FAF1: variants seen among roughly 807,000 people sequenced by gnomAD.
FAF1 encodes FAS-associated factor 1.
In FAF1, 25 loss-of-function variants were observed where a neutral mutation model predicts 92.5. The ratio of observed to expected loss-of-function variants is 0.27; its 90% CI spans 0.20 to 0.38. The LOEUF (loss-of-function observed/expected upper bound fraction) is 0.38, where lower values mean the gene tolerates loss of function less well. Among genes scored for constraint, FAF1 ranks in the 10% least tolerant of loss-of-function variants. The probability of loss-of-function intolerance (pLI) is 1.00; values close to 1 mark genes in which losing one functional copy is unlikely to be tolerated. For synonymous variants in FAF1, 234 were observed against 273.2 expected, an observed-to-expected ratio of 0.86 and a Z score of 1.42; for missense variants, 636 against 793.3, an observed-to-expected ratio of 0.80 and a Z score of 2.38.
intron 1 of FAF1, among the ~76,000 whole-genome samples, chr1:50,872,064 CAAAAA>C (rs200142842): frequency 3.1e-5 from 2 of 65,544 alleles, no homozygotes. Flanking sequence ...GACTCCATCT[CAAAAA>C]AAAAAAAAAA....
chr1:50,807,141 G>A (rs532012542), intron 2 of FAF1, among the ~76,000 whole-genome samples: 1 of 152,232 alleles, frequency 6.6e-6, no homozygotes, highest in Non-Finnish European at 1.5e-5. Context: ...AGGATTCTAA[G>A]GAATACAATA....
intron 9 of FAF1, among the ~76,000 whole-genome samples, chr1:50,594,625 C>T (rs1238381115): frequency 5.3e-4 from 7 of 13,272 alleles, no homozygotes; most frequent in African/African-American, 1.8e-3. Context: ...TTTGGGAGGC[C>T]GGGGGGGGTG....
chr1:50,598,539 G>A (rs989902598), intron 8 of FAF1, among the ~76,000 whole-genome samples: 1 of 150,922 alleles, frequency 6.6e-6, no homozygotes, highest in African/African-American at 2.4e-5. Flanking sequence ...CAGGCTTTCT[G>A]TGAGGATGGC....
intron 9 of FAF1, 86 bp from the exon 10 acceptor site, chr1:50,584,897 T>C (rs2124024970): frequency 8.2e-7 from 1 of 1,215,714 alleles, no homozygotes; most frequent in Non-Finnish European, 1.1e-6. Context: ...CAACAGGACA[T>C]AAGCGTTATA....
intron 8 of FAF1, among the ~76,000 whole-genome samples, chr1:50,649,793 A>G (rs1654771532): frequency 6.6e-6 from 1 of 151,114 alleles, no homozygotes; most frequent in South Asian, 2.1e-4. Flanking sequence ...TACAAAAAAA[A>G]AAAAAAAAGA....
At chr1:50,614,344 G>A (rs1362035510) in intron 8 of FAF1, among the ~76,000 whole-genome samples, 5 of 151,934 alleles carry the variant, frequency 3.3e-5, no homozygotes, top group African/African-American at 7.3e-5. Flanking sequence ...TACTAAGTCC[G>A]ATTATTCAAA....
chr1:50,647,252 A>G (rs931355831), intron 8 of FAF1, among the ~76,000 whole-genome samples: 2 of 152,238 alleles, frequency 1.3e-5, no homozygotes, highest in Admixed American at 1.3e-4. Flanking sequence ...TGCCTATAAT[A>G]ATAGTTAAGT....
At position 50,903,923 on chromosome 1, in the gene FAF1, G is replaced by A. The variant is rs140296266; in HGVS notation, c.46-45926C>T. On this transcript the variant is annotated intron_variant, in intron 1 of 18. Transcript: ENST00000396153. ...ACTGGAACCTCACAAAACAAGCTAC[G>A]TACATGAAAACTGTATAAAACTTCT... 4.4e-3 allele frequency among the ~76,000 whole-genome samples: 675 copies of A among 152,192 alleles called. 8 individuals carry two copies. The highest frequency in any genetic ancestry group is 0.015 in the African/African-American group (607 of 41,516).
chr1:50,889,406 G>T (rs1446386963), intron 1 of FAF1, among the ~76,000 whole-genome samples: 21 of 149,042 alleles, frequency 1.4e-4, no homozygotes, highest in East Asian at 3.9e-4. Flanking sequence ...CCTTCTGCTA[G>T]CTTTTGAATG....
intron 18 of FAF1, among the ~76,000 whole-genome samples, chr1:50,457,544 T>C (rs1437697358): frequency 6.6e-6 from 1 of 152,094 alleles, no homozygotes; most frequent in Non-Finnish European, 1.5e-5. Context: ...ATTTTTAATT[T>C]ATGGCTGGAT....
intron 8 of FAF1, among the ~76,000 whole-genome samples, chr1:50,630,827 TC>T (rs1462168126): frequency 3.4e-5 from 4 of 118,696 alleles, no homozygotes; most frequent in African/African-American, 1.1e-4. Flanking sequence ...GTGTATCATA[TC>T]TTTTTTTTTT....
intron 14 of FAF1, among the ~76,000 whole-genome samples, chr1:50,536,127 C>A (rs558497827): frequency 4.5e-4 from 69 of 152,068 alleles, no homozygotes; most frequent in Admixed American, 1.2e-3. Flanking sequence ...TCTTTTTTTG[C>A]CCAATTGATA....
At position 50,738,548 on chromosome 1, in the gene FAF1, T is replaced by C. The variant is rs184217751; in HGVS notation, c.551+315A>G. On this transcript the variant is annotated intron_variant, in intron 6 of 18. Coordinates refer to ENST00000396153, the MANE Select transcript of FAF1 (RefSeq NM_007051.3). The stretch of plus-strand genomic sequence containing the variant: ...ATGCTTTCTTTAGCAATGAGAGAGA[T>C]TGGAACTCCATTTATACTTTCTCTT... Among the ~76,000 whole-genome samples the C allele has an allele frequency of 2.0e-4, 30 of 152,254 alleles. No homozygotes were observed. In the East Asian group the frequency reaches 4.0e-3, roughly 21 times the overall value.
intron 2 of FAF1, among the ~76,000 whole-genome samples, chr1:50,811,848 T>A (rs1322390148): frequency 6.6e-6 from 1 of 152,110 alleles, no homozygotes; most frequent in African/African-American, 2.4e-5. Context: ...CATTACAGCA[T>A]GGTACTGATA....
At chr1:50,938,935 T>C (rs1194034881) in intron 1 of FAF1, among the ~76,000 whole-genome samples, 4 of 152,244 alleles carry the variant, frequency 2.6e-5, no homozygotes, top group African/African-American at 9.6e-5. Context: ...GTGTCTGTTT[T>C]TGTACCAGTA....
At chr1:50,800,273 T>C (rs1448636356) in intron 3 of FAF1, among the ~76,000 whole-genome samples, 1 of 152,226 alleles carries the variant, frequency 6.6e-6, no homozygotes, top group Admixed American at 6.5e-5. Flanking sequence ...ATCCAATATG[T>C]ACTCAGAATC....
At position 50,748,873 on chromosome 1, in the gene FAF1, C is replaced by T. The variant is rs527753625; in HGVS notation, c.368-4098G>A. Among the ~76,000 whole-genome samples, 3 of 152,220 alleles carry T rather than the reference C, an allele frequency of 2.0e-5. No individual in the cohort carries two copies. In the East Asian group the frequency reaches 5.8e-4, roughly 29 times the overall value. On this transcript the variant is annotated intron_variant, in intron 4 of 18. Coordinates refer to ENST00000396153, the MANE Select transcript of FAF1 (RefSeq NM_007051.3). Reference sequence around the variant, plus strand: ...AAGAAAAAGAAGAGTGGGGGGAGAACTTAAGATACACAAGTTCTATGGGAA... The same window carrying T: ...AAGAAAAAGAAGAGTGGGGGGAGAATTTAAGATACACAAGTTCTATGGGAA...
Position 50,589,923 on chromosome 1 carries a change from G to C in FAF1, c.841-5112C>G, listed in dbSNP as rs1651423858. 3.3e-5 allele frequency among the ~76,000 whole-genome samples: 5 copies of C among 152,312 alleles called. No homozygotes were observed. In the South Asian group the frequency reaches 1.0e-3, roughly 32 times the overall value. On this transcript the variant is annotated intron_variant, in intron 9 of 18. Coordinates refer to ENST00000396153, the MANE Select transcript of FAF1 (RefSeq NM_007051.3). ...ATATCCAGTTTTCCCAGTACCGTTTGTTGAAAAAACTTCCCTTTCTCCATT... is the reference window on the plus strand; with the variant it reads ...ATATCCAGTTTTCCCAGTACCGTTTCTTGAAAAAACTTCCCTTTCTCCATT...
chr1:50,583,670 G>T lies in FAF1; in HGVS notation c.1013C>A (p.Thr338Lys). 1 of 1,578,810 alleles carries T rather than the reference G, an allele frequency of 6.3e-7. No homozygotes were observed. Among genetic ancestry groups the T allele is most frequent in the South Asian group, 1.2e-5 (1 of 83,918 alleles). The change falls in exon 11 of 19, where the codon ACA becomes AAA. Residue 338 changes from threonine (T) to lysine (K), a missense_variant. This residue lies in a region of FAF1 where 319 missense variants were observed against 451.0 expected (regional missense o/e 0.71). Transcript: ENST00000396153. This position sits in a 1 kb window ranked among gnomAD's most constrained non-coding sequence, Gnocchi z 4.2. ...ENEGDALLQF[T>K]AEFSSRYGDC... is the part of the protein sequence containing the mutation. Reference sequence around the variant, plus strand: ...ACCCTACCTTGAAGAAAACTCTGCTGTAAATTGTAATAAGGCATCTCCTTC... The same window carrying T: ...ACCCTACCTTGAAGAAAACTCTGCTTTAAATTGTAATAAGGCATCTCCTTC...
Sources: allele counts gnomAD v4.1 joint callset (sites outside exome capture counted in the v4.1 genomes callset), GRCh38; gene constraint gnomAD v4.1.1; regional missense constraint gnomAD v4.1.1; non-coding constraint Gnocchi (gnomAD v3.1); transcripts MANE v1.5; gene names NCBI Gene and HGNC (gene_info 2026-07-23, HGNC 2026-07-21).